Variants in CFAP77 observed in about 807,000 individuals in gnomAD.
CFAP77 encodes the protein cilia- and flagella-associated protein 77.
In CFAP77, 25 loss-of-function variants were observed where a neutral mutation model predicts 31.1. The ratio of observed to expected loss-of-function variants is 0.80; its 90% confidence interval spans 0.59 to 1.12. CFAP77 has a LOEUF of 1.12. Among genes scored for constraint, CFAP77 ranks in the 50% most tolerant of loss-of-function variants. CFAP77 has a pLI of 0.00. For synonymous variants in CFAP77, 151 were observed against 159.9 expected (o/e 0.94, Z 0.42); for missense variants, 377 against 397.3 (o/e 0.95, Z 0.44).
chr9:132,512,390 A>T (rs975431410), intron 3 of CFAP77, among the ~76,000 whole-genome samples: 1 of 152,192 alleles, frequency 6.6e-6, no homozygotes, highest in African/African-American at 2.4e-5. Flanking sequence ...TTTTCCAAAT[A>T]AGGTCAAATT....
At chr9:132,433,740 G>T (rs1850454521) in intron 1 of CFAP77, among the ~76,000 whole-genome samples, 1 of 151,792 alleles carries the variant, frequency 6.6e-6, no homozygotes, top group African/African-American at 2.4e-5. Context: ...TAGAGATGGG[G>T]TTTCACCATG....
intron 3 of CFAP77, among the ~76,000 whole-genome samples, chr9:132,515,310 G>C (rs1051922735): frequency 6.6e-6 from 1 of 152,088 alleles, no homozygotes; most frequent in African/African-American, 2.4e-5. Flanking sequence ...TTATTCAGGC[G>C]GAGGCCTGTG....
chr9:132,519,820 ATGGATGGAT>A (rs1852236350), intron 3 of CFAP77, among the ~76,000 whole-genome samples: 1 of 26,844 alleles, frequency 3.7e-5, no homozygotes, highest in Non-Finnish European at 6.3e-5. Context: ...GGGTGGATGG[ATGGATGGAT>A]GGATGGATGG....
At chr9:132,520,356 C>T (rs1334665691) in intron 3 of CFAP77, among the ~76,000 whole-genome samples, 1 of 152,072 alleles carries the variant, frequency 6.6e-6, no homozygotes, top group Non-Finnish European at 1.5e-5. Context: ...AGATATAGTA[C>T]ATTTCCAGGC....
chr9:132,478,809 C>T (rs1851396461), intron 1 of CFAP77, among the ~76,000 whole-genome samples: 1 of 152,228 alleles, frequency 6.6e-6, no homozygotes, highest in Non-Finnish European at 1.5e-5. Context: ...GACAAATCCT[C>T]ACAAAAGGCT....
At chr9:132,429,395 CAG>C (rs1490289542) in intron 1 of CFAP77, among the ~76,000 whole-genome samples, 5 of 151,460 alleles carry the variant, frequency 3.3e-5, no homozygotes, top group African/African-American at 9.7e-5. Context: ...AAAAATTAGC[CAG>C]GGGTGGTGGC....
chr9:132,546,297 G>A (rs1034870147), intron 5 of CFAP77, among the ~76,000 whole-genome samples: 1 of 152,180 alleles, frequency 6.6e-6, no homozygotes, highest in Admixed American at 6.5e-5. Flanking sequence ...CCTAGGCGGA[G>A]CTGCTGTCTG....
chr9:132,559,377 A>G (rs545906067), intron 5 of CFAP77, among the ~76,000 whole-genome samples: 1 of 149,310 alleles, frequency 6.7e-6, no homozygotes, highest in African/African-American at 2.4e-5. Flanking sequence ...GGCAAAAGAT[A>G]GGAACAGACA....
chr9:132,431,995 A>G (rs933051141), intron 1 of CFAP77, among the ~76,000 whole-genome samples: 1 of 152,184 alleles, frequency 6.6e-6, no homozygotes, highest in African/African-American at 2.4e-5. Flanking sequence ...AAAAATTAAC[A>G]AAACCACGCC....
intron 5 of CFAP77, 36 bp downstream of exon 5, chr9:132,543,083 C>T: frequency 2.6e-6 from 4 of 1,567,134 alleles, no homozygotes. Context: ...CTCCCTGCAC[C>T]TTGCTGGCTG....
chr9:132,520,040 C>A (rs909928667), intron 3 of CFAP77, among the ~76,000 whole-genome samples: 1 of 151,882 alleles, frequency 6.6e-6, no homozygotes, highest in Non-Finnish European at 1.5e-5. Flanking sequence ...CTTCCTCCCC[C>A]TGAAATGTCC....
intron 5 of CFAP77, among the ~76,000 whole-genome samples, chr9:132,553,249 A>G (rs951715069): frequency 1.3e-5 from 2 of 152,078 alleles, no homozygotes; most frequent in Non-Finnish European, 2.9e-5. Context: ...TTTAAACCTA[A>G]TCAACTCCCC....
At chr9:132,570,328 G>A (rs1007868120) in intron 5 of CFAP77, among the ~76,000 whole-genome samples, 1 of 152,268 alleles carries the variant, frequency 6.6e-6, no homozygotes, top group Non-Finnish European at 1.5e-5. Context: ...GGGTAACTAT[G>A]CTACGCGCTC....
chr9:132,465,505 C>A (rs916230192), intron 1 of CFAP77, among the ~76,000 whole-genome samples: 4 of 152,250 alleles, frequency 2.6e-5, no homozygotes, highest in African/African-American at 9.6e-5. Flanking sequence ...TGGCAAGGTG[C>A]AGATCCCACG....
chr9:132,473,496 T>C (rs961336446), intron 1 of CFAP77, among the ~76,000 whole-genome samples: 1 of 152,186 alleles, frequency 6.6e-6, no homozygotes, highest in African/African-American at 2.4e-5. Context: ...GTTGTAGTTC[T>C]CAAGTCCGGA....
rs748414537 is a variant in CFAP77, at chr9:132,495,465, AG to A, written c.196-3228del. On this transcript the variant is annotated intron_variant, in intron 1 of 5. Transcript: ENST00000393216. The surrounding 1 kb of genome is among the most constrained non-coding windows in gnomAD (Gnocchi z 4.2). ...CGGATCATTTTCATAAACAAATGAG[AG>A]GCCAGAGCTTTGTCTGTAACTCAGA... Among the ~76,000 whole-genome samples, 8 of 152,194 alleles carry A rather than the reference AG, an allele frequency of 5.3e-5. No individual in the cohort carries two copies. The highest frequency in any genetic ancestry group is 1.2e-4 in the Non-Finnish European group (8 of 68,036).
At position 132,499,636 on chromosome 9, in the gene CFAP77, G is replaced by T. The variant is rs61001416; in HGVS notation, c.524+36G>T. On this transcript the variant is annotated intron_variant, in intron 3 of 5. Transcript: ENST00000393216. The surrounding 1 kb of genome is among the most constrained non-coding windows in gnomAD (Gnocchi z 5.4). ...TGGCAGCCAGGGCTTCATCCCTTGA[G>T]GGGGTGGAGGTACCAGCTCAATCAG... is the stretch of plus-strand genomic sequence containing the variant. 1 of 1,594,380 alleles carries T rather than the reference G, an allele frequency of 6.3e-7. No individual in the cohort carries two copies. The highest frequency in any genetic ancestry group is 1.1e-5 in the South Asian group (1 of 90,564).
In CFAP77 at chr9:132,513,183, T is replaced by C. The variant is rs1387829907; in HGVS notation, c.524+13583T>C. 24 of 1,409,198 alleles carry C rather than the reference T, an allele frequency of 1.7e-5. 1 individual carries two copies. The highest frequency in any genetic ancestry group is 2.0e-5 in the Non-Finnish European group (21 of 1,046,942). The allele number at this position is 1,409,198 out of a possible 1,614,324, so 87.3% of individuals were successfully genotyped here. A position where few individuals can be genotyped will look rare whatever the true frequency, so the allele number is the denominator to read the frequency against. On this transcript the variant is annotated intron_variant, in intron 3 of 5. Coordinates refer to ENST00000393216, the MANE Select transcript of CFAP77 (RefSeq NM_001282957.2). Reference sequence around the variant, plus strand: ...AATTCTACTCTTAGTTATTTTTAAATGTGCAATTAAGTTATTATTGACTCT... The same window carrying C: ...AATTCTACTCTTAGTTATTTTTAAACGTGCAATTAAGTTATTATTGACTCT...
At position 132,480,743 on chromosome 9, in the gene CFAP77, G is replaced by A. The variant is rs1025997402; in HGVS notation, c.196-17952G>A. ...GGTGACATTTCAGCTAGGAGTTAGC[G>A]GGGCCAGGCGCCGGTGAGGAGAGGG... On this transcript the variant is annotated intron_variant, in intron 1 of 5. Coordinates refer to ENST00000393216, the MANE Select transcript of CFAP77 (RefSeq NM_001282957.2). This position sits in a 1 kb window ranked among gnomAD's most constrained non-coding sequence, Gnocchi z 5.8. Among the ~76,000 whole-genome samples the A allele has an allele frequency of 6.6e-6, 1 of 152,112 alleles. No homozygotes were observed. Among genetic ancestry groups the A allele is most frequent in the Non-Finnish European group, 1.5e-5 (1 of 68,026 alleles).
Sources: allele counts gnomAD v4.1 joint callset (sites outside exome capture counted in the v4.1 genomes callset), GRCh38; gene constraint gnomAD v4.1.1; non-coding constraint Gnocchi (gnomAD v3.1); transcripts MANE v1.5; gene names NCBI Gene and HGNC (gene_info 2026-07-23, HGNC 2026-07-21).